ARHGEF10L: variants seen among roughly 807,000 people sequenced by gnomAD.
ARHGEF10L encodes rho guanine nucleotide exchange factor 10-like protein.
Under a neutral mutation model 141.2 loss-of-function variants are expected in ARHGEF10L, and 69 were observed. The observed-to-expected ratio is 0.49, with a 90% CI of 0.40 to 0.60. The LOEUF (loss-of-function observed/expected upper bound fraction) is 0.60, where lower values mean the gene tolerates loss of function less well. Among genes scored for constraint, ARHGEF10L ranks in the 20% least tolerant of loss-of-function variants. The pLI is 0.00. For missense variants in ARHGEF10L, 1,482 were observed against 1,734.3 expected, an observed-to-expected ratio of 0.85 and a Z score of 2.58; for synonymous variants, 711 against 718.5, an observed-to-expected ratio of 0.99 and a Z score of 0.17.
intron 6 of ARHGEF10L, among the ~76,000 whole-genome samples, chr1:17,605,441 A>G (rs2081079849): frequency 6.6e-6 from 1 of 152,190 alleles, no homozygotes; most frequent in South Asian, 2.1e-4. Flanking sequence ...AGCAGGAAGC[A>G]TGAGGGGACC....
intron 5 of ARHGEF10L, among the ~76,000 whole-genome samples, chr1:17,602,654 C>T (rs976164946): frequency 2.6e-5 from 4 of 152,086 alleles, no homozygotes; most frequent in Non-Finnish European, 5.9e-5. Flanking sequence ...ACCCCTGACT[C>T]CCGGGAAGCA....
At chr1:17,514,453 TGA>T in the ARHGEF10L span, among the ~76,000 whole-genome samples, 14 of 152,224 alleles carry the variant, frequency 9.2e-5, no homozygotes, top group South Asian at 2.9e-3. Context: ...TCCAAATTTC[TGA>T]GGCAGAGAAT....
intron 1 of ARHGEF10L, among the ~76,000 whole-genome samples, chr1:17,543,531 C>T (rs1402745921): frequency 5.9e-5 from 9 of 151,624 alleles, no homozygotes; most frequent in South Asian, 4.2e-4. Flanking sequence ...TGCAGTGAGC[C>T]GAGGTTGTGC....
chr1:17,581,411 T>C (rs901295300), intron 2 of ARHGEF10L, among the ~76,000 whole-genome samples: 4 of 152,026 alleles, frequency 2.6e-5, no homozygotes, highest in African/African-American at 9.7e-5. Context: ...CTGTGTCCTG[T>C]ATGTTATTTG....
chr1:17,612,807 G>T (rs2059616030), intron 7 of ARHGEF10L, among the ~76,000 whole-genome samples: 1 of 152,212 alleles, frequency 6.6e-6, no homozygotes, highest in Non-Finnish European at 1.5e-5. Flanking sequence ...CAGCAGCCCA[G>T]ATTCCCTGCT....
Position 17,654,389 on chromosome 1 carries a change from A to G in ARHGEF10L, c.2395-247A>G, listed in dbSNP as rs551120220. Among the ~76,000 whole-genome samples, 4 of 152,238 alleles carry G rather than the reference A, an allele frequency of 2.6e-5. No individual in the cohort carries two copies. In the East Asian group the frequency reaches 7.7e-4, roughly 29 times the overall value. ...ATCTGAAAGCTGCTCACTTTCAGAG[A>G]CCCTGGGCTGATACAGAGCCTCTTG... On this transcript the variant is annotated intron_variant, in intron 22 of 28. Coordinates refer to ENST00000361221, the MANE Select transcript of ARHGEF10L (RefSeq NM_018125.4). The surrounding 1 kb of genome is among the most constrained non-coding windows in gnomAD (Gnocchi z 4.3).
intron 1 of ARHGEF10L, among the ~76,000 whole-genome samples, chr1:17,565,622 G>A (rs1194047633): frequency 1.3e-5 from 2 of 152,170 alleles, no homozygotes; most frequent in East Asian, 3.9e-4. Flanking sequence ...ACCGCCAGTG[G>A]CTGTGTCTTT....
Position 17,637,968 on chromosome 1 carries a change from A to G in ARHGEF10L, c.2008A>G (p.Thr670Ala). The change falls in exon 19 of 29, where the codon ACG (threonine) becomes GCG (alanine). Residue 670 changes from threonine to alanine, a missense_variant. Physicochemically the swap from Thr to Ala is moderately conservative, Grantham distance 58 (BLOSUM62 0). Around this residue, in one of 3 missense-constraint regions of ARHGEF10L, gnomAD observed 858 missense variants for 966.3 expected, o/e 0.89. Transcript: ENST00000361221. ...QKDLAVVEQI[T>A]LLISTLHGTY... is the part of the protein sequence containing the mutation. ...GGACCTGGCCGTGGTGGAGCAGATC[A>G]CGCTTCTCATCAGCACGCTGCACGG... 2 of 1,599,164 alleles carry G rather than the reference A, an allele frequency of 1.3e-6. No homozygotes were observed. Among genetic ancestry groups the G allele is most frequent in the Non-Finnish European group, 1.7e-6 (2 of 1,172,908 alleles).
intron 11 of ARHGEF10L, 139 bp from the exon 12 acceptor site, chr1:17,622,857 A>G (rs2060178463): frequency 1.2e-6 from 1 of 804,802 alleles, no homozygotes; most frequent in Non-Finnish European, 1.9e-6. Flanking sequence ...TTCCGGAAGG[A>G]CGCATGAGGA....
chr1:17,584,172 G>T (rs997673601), intron 2 of ARHGEF10L, among the ~76,000 whole-genome samples: 9 of 152,042 alleles, frequency 5.9e-5, no homozygotes, highest in African/African-American at 2.2e-4. Flanking sequence ...AGCCTCCCAA[G>T]TAGCTGGGAC....
At chr1:17,618,567 T>A (rs2059937065) in intron 9 of ARHGEF10L, 2 of 1,295,060 alleles carry the variant, frequency 1.5e-6, no homozygotes, top group Admixed American at 3.7e-5. Flanking sequence ...ACCCTTGGGG[T>A]TGCTGCCGCT....
At position 17,624,239 on chromosome 1, in the gene ARHGEF10L, C is replaced by G. The variant is rs144714845; in HGVS notation, c.1201-148C>G. On this transcript the variant is annotated intron_variant, in intron 12 of 28. Transcript: ENST00000361221. ...CCCCAGTGGGGGTGATGGATTTGCA[C>G]AGCTCGAGGTCCCAAGGGAGTGTGG... 3,318 of 701,936 alleles carry G rather than the reference C, an allele frequency of 4.7e-3. 17 individuals are homozygous for G. Among genetic ancestry groups the G allele is most frequent in the Non-Finnish European group, 6.9e-3 (2,658 of 383,608 alleles). 43.5% of individuals were successfully genotyped at this position (701,936 alleles called of 1,614,324 possible).
intron 9 of ARHGEF10L, chr1:17,618,591 C>T: frequency 8.6e-7 from 1 of 1,165,562 alleles, no homozygotes; most frequent in South Asian, 2.0e-5. Context: ...TCTTTCCTCC[C>T]CAGCTTCCTC....
intron 26 of ARHGEF10L, among the ~76,000 whole-genome samples, chr1:17,681,581 A>G (rs1044736406): frequency 1.3e-5 from 2 of 152,114 alleles, no homozygotes; most frequent in Non-Finnish European, 2.9e-5. Flanking sequence ...TTGCCTGGTT[A>G]TTTCCTCCCA....
the ARHGEF10L span, among the ~76,000 whole-genome samples, chr1:17,517,472 T>C: frequency 3.7e-3 from 549 of 150,376 alleles, 4 homozygotes; most frequent in African/African-American, 0.012. Flanking sequence ...TACAGGTGCG[T>C]GCCACCATGC....
the ARHGEF10L span, among the ~76,000 whole-genome samples, chr1:17,515,257 A>G: frequency 6.7e-6 from 1 of 150,268 alleles, no homozygotes; most frequent in Admixed American, 6.7e-5. Flanking sequence ...GCCAGGGTAC[A>G]TGGTGGGCAC....
At chr1:17,581,112 C>T (rs10749622) in intron 2 of ARHGEF10L, among the ~76,000 whole-genome samples, 144,456 of 151,944 alleles carry the variant, frequency 0.95, 68,713 homozygotes, top group East Asian at 1. Context: ...GTCACGAGTT[C>T]GGGACCAGCC....
intron 14 of ARHGEF10L, 90 bp downstream of exon 14, chr1:17,626,138 C>A: frequency 2.6e-6 from 3 of 1,155,964 alleles, no homozygotes; most frequent in Non-Finnish European, 2.5e-6. Flanking sequence ...GAGGTCTGGG[C>A]TCTTGTCCGT....
intron 6 of ARHGEF10L, among the ~76,000 whole-genome samples, chr1:17,605,730 C>T (rs1263069282): frequency 2.0e-5 from 3 of 152,136 alleles, no homozygotes; most frequent in Non-Finnish European, 2.9e-5. Flanking sequence ...GTTGGGTGCA[C>T]GGCTCAGCCC....
Sources: allele counts gnomAD v4.1 joint callset (sites outside exome capture counted in the v4.1 genomes callset), GRCh38; gene constraint gnomAD v4.1.1; regional missense constraint gnomAD v4.1.1; non-coding constraint Gnocchi (gnomAD v3.1); transcripts MANE v1.5; gene names NCBI Gene and HGNC (gene_info 2026-07-23, HGNC 2026-07-21).